The following MMP16 variants were observed in gnomAD, a reference collection of about 807,000 sequenced individuals.
MMP16 encodes the protein matrix metallopeptidase 16, also known as matrix metalloproteinase-16.
In MMP16, 12 loss-of-function variants were observed where a neutral mutation model predicts 67.8. The observed-to-expected ratio is 0.18, with a 90% CI of 0.11 to 0.29. MMP16 has a LOEUF of 0.29. Among genes scored for constraint, MMP16 ranks in the 10% least tolerant of loss-of-function variants. MMP16 has a pLI of 1.00. For missense variants in MMP16, 475 were observed against 765.7 expected (o/e 0.62, Z 4.48); for synonymous variants, 249 against 255.9 (o/e 0.97, Z 0.26).
intron 6 of MMP16, among the ~76,000 whole-genome samples, chr8:88,093,375 C>G (rs756848221): frequency 5.3e-5 from 8 of 151,828 alleles, no homozygotes; most frequent in Non-Finnish European, 8.8e-5. Flanking sequence ...TAAGTTGCCA[C>G]TTTGGCCCAT....
At chr8:88,215,052 G>A (rs1241354481) in intron 1 of MMP16, among the ~76,000 whole-genome samples, 3 of 152,168 alleles carry the variant, frequency 2.0e-5, no homozygotes, top group Admixed American at 6.5e-5. Context: ...AACTGAGGCT[G>A]GGCGCTGTGG....
intron 6 of MMP16, among the ~76,000 whole-genome samples, chr8:88,095,096 A>C (rs1809003213): frequency 6.6e-6 from 1 of 151,884 alleles, no homozygotes; most frequent in South Asian, 2.1e-4. Context: ...ACCGCTCTAC[A>C]GATTTTACAG....
intron 1 of MMP16, among the ~76,000 whole-genome samples, chr8:88,217,633 A>G (rs1280061125): frequency 6.6e-6 from 1 of 152,002 alleles, no homozygotes; most frequent in Non-Finnish European, 1.5e-5. Context: ...TGTCAGCACC[A>G]ATTCCCCTGC....
intron 6 of MMP16, among the ~76,000 whole-genome samples, chr8:88,101,649 AG>A (rs1809147472): frequency 1.3e-5 from 2 of 151,918 alleles, no homozygotes; most frequent in Admixed American, 1.3e-4. Context: ...ACTCTAGGTG[AG>A]GGGCAAAGAG....
intron 1 of MMP16, among the ~76,000 whole-genome samples, chr8:88,222,363 AC>A (rs1310178481): frequency 2.1e-4 from 32 of 152,300 alleles, no homozygotes; most frequent in African/African-American, 6.7e-4. Context: ...TTCATATGGA[AC>A]CAAAAAAGAG....
chr8:88,144,112 G>T (rs1441140853), intron 4 of MMP16, among the ~76,000 whole-genome samples: 2 of 151,804 alleles, frequency 1.3e-5, no homozygotes, highest in East Asian at 3.9e-4. Flanking sequence ...CTTTAAACAG[G>T]GGCTATTGAC....
intron 1 of MMP16, among the ~76,000 whole-genome samples, chr8:88,217,663 T>C (rs1465735253): frequency 6.6e-6 from 1 of 152,056 alleles, no homozygotes; most frequent in African/African-American, 2.4e-5. Flanking sequence ...CCACAGACAG[T>C]TGAAGATGTT....
chr8:88,252,762 AT>A (rs1261846850), intron 1 of MMP16, among the ~76,000 whole-genome samples: 1 of 152,068 alleles, frequency 6.6e-6, no homozygotes, highest in African/African-American at 2.4e-5. Flanking sequence ...TAGTTGTATG[AT>A]AAAAACTAAA....
At chr8:88,209,815 T>C (rs1319214087) in intron 1 of MMP16, among the ~76,000 whole-genome samples, 1 of 152,194 alleles carries the variant, frequency 6.6e-6, no homozygotes, top group Non-Finnish European at 1.5e-5. Context: ...GACCAGATAA[T>C]ATCCCATTAC....
chr8:88,141,516 C>T (rs931906541), intron 4 of MMP16, among the ~76,000 whole-genome samples: 20 of 152,078 alleles, frequency 1.3e-4, no homozygotes, highest in Admixed American at 1.1e-3. Flanking sequence ...GAATCCCCAC[C>T]TACAACTATT....
intron 1 of MMP16, among the ~76,000 whole-genome samples, chr8:88,319,675 T>C (rs368174911): frequency 6.6e-6 from 1 of 152,150 alleles, no homozygotes; most frequent in East Asian, 1.9e-4. Flanking sequence ...GGCACATGTC[T>C]ACATTCCATT....
chr8:88,312,769 G>A (rs1468793876), intron 1 of MMP16, among the ~76,000 whole-genome samples: 1 of 152,122 alleles, frequency 6.6e-6, no homozygotes, highest in Non-Finnish European at 1.5e-5. Context: ...AGGAGTTAGA[G>A]ACCAGCCTGA....
In MMP16 at chr8:88,041,504, C is replaced by T; in HGVS notation, c.1781G>A (p.Arg594His). 6.2e-6 allele frequency: 10 copies of T among 1,609,996 alleles called. No individual in the cohort carries two copies. Among genetic ancestry groups the T allele is most frequent in the East Asian group, 2.2e-5 (1 of 44,882 alleles). The change falls in exon 10 of 10, where the codon CGC becomes CAC. Residue 594 changes from arginine to histidine, a missense_variant. Physicochemically the swap from Arg to His is conservative, Grantham distance 29 (BLOSUM62 0). Transcript: ENST00000286614. This position sits in a 1 kb window ranked among gnomAD's most constrained non-coding sequence, Gnocchi z 6.0. ...AGAGCGTTTACAGTACAGTATGTGG[C>T]GGGGTGTTCCTTTCCTCTTGAACTG... ...VFQFKRKGTP[R>H]HILYCKRSMQ...
intron 1 of MMP16, among the ~76,000 whole-genome samples, chr8:88,218,626 C>A (rs1349006654): frequency 6.6e-6 from 1 of 151,900 alleles, no homozygotes; most frequent in Non-Finnish European, 1.5e-5. Context: ...ATCAATTATA[C>A]CTTGATAAAA....
chr8:88,153,038 T>C (rs2129651336), intron 4 of MMP16, among the ~76,000 whole-genome samples: 1 of 121,398 alleles, frequency 8.2e-6, no homozygotes, highest in South Asian at 3.1e-4. Flanking sequence ...AAAATCAATG[T>C]ACAAAAATCA....
chr8:88,275,509 A>C (rs1810634725), intron 1 of MMP16, among the ~76,000 whole-genome samples: 1 of 151,960 alleles, frequency 6.6e-6, no homozygotes, highest in Non-Finnish European at 1.5e-5. Context: ...TAATATTAAA[A>C]TATCAGAATT....
chr8:88,143,086 A>T (rs966795703), intron 4 of MMP16, among the ~76,000 whole-genome samples: 5 of 152,164 alleles, frequency 3.3e-5, no homozygotes, highest in African/African-American at 1.2e-4. Flanking sequence ...AAAAAGAACA[A>T]GGCAGGCATC....
chr8:88,135,448 T>C (rs1322655623), intron 4 of MMP16, among the ~76,000 whole-genome samples: 1 of 151,802 alleles, frequency 6.6e-6, no homozygotes, highest in Non-Finnish European at 1.5e-5. Context: ...CAGAAGTATG[T>C]ACAGGCTAGT....
chr8:88,303,188 C>T (rs1607649), intron 1 of MMP16, among the ~76,000 whole-genome samples: 5 of 152,116 alleles, frequency 3.3e-5, no homozygotes, highest in African/African-American at 4.8e-5. Context: ...CACCCGGGGG[C>T]GGGGCTGAAT....
Sources: allele counts gnomAD v4.1 joint callset (sites outside exome capture counted in the v4.1 genomes callset), GRCh38; gene constraint gnomAD v4.1.1; non-coding constraint Gnocchi (gnomAD v3.1); transcripts MANE v1.5; gene names NCBI Gene and HGNC (gene_info 2026-07-23, HGNC 2026-07-21).